The following GLI3 variants were observed in gnomAD, a reference collection of about 807,000 sequenced individuals.
GLI3 encodes GLI family zinc finger 3.
GLI3 carries 20 observed loss-of-function variants against 100.8 expected under a neutral mutation model. The ratio of observed to expected loss-of-function variants is 0.20; its 90% CI spans 0.14 to 0.29. GLI3 has a LOEUF of 0.29. GLI3 is among the 10% of genes least tolerant of loss of function. The pLI, the probability that GLI3 is intolerant of heterozygous loss-of-function variation, is 1.00. For synonymous variants in GLI3, 938 were observed against 860.5 expected (o/e 1.09, Z -1.58); for missense variants, 2,040 against 2,128.5 (o/e 0.96, Z 0.82).
rs146787738 is a variant in GLI3 at position 42,178,938 on chromosome 7, A to G, written c.125-30470T>C. On this transcript the variant is annotated intron_variant, in intron 2 of 14. Coordinates refer to ENST00000395925, the MANE Select transcript of GLI3 (RefSeq NM_000168.6). ...AGAACAGACACAGGGGAAGAGGAAG[A>G]AGAAAGAGCCAGGGCAACAAGGCAA... Among the ~76,000 whole-genome samples, 313 of 152,200 alleles carry G rather than the reference A, an allele frequency of 2.1e-3. 6 individuals are homozygous for G. The East Asian group carries it at 0.029, about 14-fold the overall frequency.
intron 1 of GLI3, among the ~76,000 whole-genome samples, chr7:42,226,336 G>A (rs575320142): frequency 1.3e-5 from 2 of 152,264 alleles, no homozygotes; most frequent in African/African-American, 2.4e-5. Context: ...TAGGAATCAG[G>A]AGACAAGTTC....
At chr7:42,198,596 G>C (rs1787976135) in intron 2 of GLI3, among the ~76,000 whole-genome samples, 1 of 152,112 alleles carries the variant, frequency 6.6e-6, no homozygotes, top group Non-Finnish European at 1.5e-5. Context: ...AAGGTGGTTT[G>C]GCAAGACCTG....
intron 10 of GLI3, among the ~76,000 whole-genome samples, chr7:41,992,102 C>G (rs1156400972): frequency 6.6e-6 from 1 of 152,190 alleles, no homozygotes; most frequent in East Asian, 1.9e-4. Context: ...TAAAAGGTAA[C>G]TCTGGCAGCA....
intron 4 of GLI3, among the ~76,000 whole-genome samples, chr7:42,065,248 A>T (rs6956404): frequency 0.12 from 18,007 of 149,700 alleles, 1,251 homozygotes; most frequent in African/African-American, 0.18. Flanking sequence ...ATACTTTTAA[A>T]TTATTATTAA....
At chr7:42,159,237 C>T (rs1050475455) in intron 2 of GLI3, among the ~76,000 whole-genome samples, 1 of 152,264 alleles carries the variant, frequency 6.6e-6, no homozygotes, top group Non-Finnish European at 1.5e-5. Flanking sequence ...ACAATAGCTC[C>T]AACAGTTAGA....
chr7:42,250,443 C>A (rs948661923), intron 1 of GLI3, among the ~76,000 whole-genome samples: 1 of 152,210 alleles, frequency 6.6e-6, no homozygotes, highest in African/African-American at 2.4e-5. Context: ...AGTTTGCTGA[C>A]TGAGTCAGAA....
rs564828157 is a variant in GLI3, at chr7:41,988,131, T to C, written c.1498-9383A>G. ...CTGAATGTGTCACCCCTGAAATCCA[T>C]ATGTTGAAACTTAATCACCAGTGTG... On this transcript the variant is annotated intron_variant, in intron 10 of 14. Coordinates refer to ENST00000395925, the MANE Select transcript of GLI3 (RefSeq NM_000168.6). Among the ~76,000 whole-genome samples the C allele has an allele frequency of 5.3e-5, 8 of 152,274 alleles. No homozygotes were observed. The East Asian group carries it at 1.5e-3, about 29-fold the overall frequency.
intron 10 of GLI3, among the ~76,000 whole-genome samples, chr7:42,001,057 T>C (rs578135427): frequency 5.3e-5 from 8 of 151,830 alleles, no homozygotes; most frequent in South Asian, 4.2e-4. Context: ...CCAGCCTGGC[T>C]AACATGGTGA....
At chr7:41,996,583 G>C (rs766452025) in intron 10 of GLI3, among the ~76,000 whole-genome samples, 1 of 152,178 alleles carries the variant, frequency 6.6e-6, no homozygotes, top group Non-Finnish European at 1.5e-5. Context: ...CAAGAGAAAG[G>C]ATTTGCCCTT....
At position 41,964,124 on chromosome 7, in the gene GLI3, G is replaced by A. The variant is rs532726767; in HGVS notation, c.*206C>T. The A allele has an allele frequency of 1.4e-4, 67 of 478,464 alleles. No individual in the cohort carries two copies. The Admixed American group carries it at 2.2e-3, about 16-fold the overall frequency. The allele number at this position is 478,464 out of a possible 1,614,324, so 29.6% of individuals were successfully genotyped here. On this transcript the variant is annotated 3_prime_UTR_variant, in exon 15 of 15. Coordinates refer to ENST00000395925, the MANE Select transcript of GLI3 (RefSeq NM_000168.6). Reference sequence around the variant, plus strand: ...AGTGTAACAATACTGATTCAAAACTGAAATGGAAGACAGTTTCTCCCTAGA... The same window carrying A: ...AGTGTAACAATACTGATTCAAAACTAAAATGGAAGACAGTTTCTCCCTAGA...
chr7:42,106,085 C>T (rs1384123549), intron 3 of GLI3, among the ~76,000 whole-genome samples: 2 of 152,110 alleles, frequency 1.3e-5, no homozygotes, highest in African/African-American at 4.8e-5. Context: ...GTGGAGCAGC[C>T]GGGCAAGCAG....
chr7:42,046,400 G>A (rs1190950313), intron 5 of GLI3, among the ~76,000 whole-genome samples: 1 of 152,218 alleles, frequency 6.6e-6, no homozygotes, highest in Non-Finnish European at 1.5e-5. Context: ...TGATAGGTTT[G>A]TGGGTATTTT....
Position 42,064,582 on chromosome 7 carries a change from T to C in GLI3, c.473+12170A>G, listed in dbSNP as rs530303323. 3.9e-5 allele frequency among the ~76,000 whole-genome samples: 6 copies of C among 152,268 alleles called. No individual in the cohort carries two copies. In the South Asian group the frequency reaches 1.0e-3, roughly 26 times the overall value. On this transcript the variant is annotated intron_variant, in intron 4 of 14. Coordinates refer to ENST00000395925, the MANE Select transcript of GLI3 (RefSeq NM_000168.6). ...CACTTTGAAACCCAACCAAATAGCA[T>C]TGTCATGGGTGAATGTAACCAACAT...
rs142084946 is a variant in GLI3 at position 42,079,056 on chromosome 7, A to G, written c.368-2199T>C. On this transcript the variant is annotated intron_variant, in intron 3 of 14. Coordinates refer to ENST00000395925, the MANE Select transcript of GLI3 (RefSeq NM_000168.6). Reference sequence around the variant, plus strand: ...ATTTATCACACTTTACACATTTTGTAAAGTCCATATAAAAATTGATTATAT... The same window carrying G: ...ATTTATCACACTTTACACATTTTGTGAAGTCCATATAAAAATTGATTATAT... 1.1e-3 allele frequency among the ~76,000 whole-genome samples: 161 copies of G among 152,334 alleles called. 3 individuals carry two copies. The East Asian group carries it at 0.023, about 22-fold the overall frequency.
At chr7:41,993,290 A>C (rs1346362626) in intron 10 of GLI3, among the ~76,000 whole-genome samples, 1 of 152,224 alleles carries the variant, frequency 6.6e-6, no homozygotes, top group African/African-American at 2.4e-5. Context: ...AGAGATCCAC[A>C]GCTGGAGACG....
rs764864618 is a variant in GLI3, at chr7:42,182,644, GTATATATATATATATA to G, written c.125-34192_125-34177del. ...TTTATATGCATATGTATATGTGTGT[GTATATATATATATATA>G]TATATATATATATATATATATACAC... On this transcript the variant is annotated intron_variant, in intron 2 of 14. Transcript: ENST00000395925. Among the ~76,000 whole-genome samples, 124 of 51,678 alleles carry G rather than the reference GTATATATATATATATA, an allele frequency of 2.4e-3. 4 individuals carry two copies. Among genetic ancestry groups the G allele is most frequent in the Non-Finnish European group, 3.3e-3 (103 of 31,504 alleles). 33.9% of individuals were successfully genotyped at this position (51,678 alleles called of 152,430 possible). A position where few individuals can be genotyped will look rare whatever the true frequency, so the allele number is the denominator to read the frequency against.
intron 10 of GLI3, among the ~76,000 whole-genome samples, chr7:41,998,927 C>A (rs914591932): frequency 1.3e-5 from 2 of 152,330 alleles, no homozygotes; most frequent in African/African-American, 4.8e-5. Context: ...GTGTTTTCCC[C>A]CACACAGCCT....
At chr7:42,150,921 C>T (rs568378108) in intron 2 of GLI3, among the ~76,000 whole-genome samples, 9 of 152,008 alleles carry the variant, frequency 5.9e-5, no homozygotes, top group Non-Finnish European at 8.8e-5. Context: ...ATCGGGGCGG[C>T]GGAGTGGGGA....
intron 3 of GLI3, among the ~76,000 whole-genome samples, chr7:42,086,132 A>G (rs140256767): frequency 1.3e-5 from 2 of 152,356 alleles, no homozygotes; most frequent in East Asian, 3.9e-4. Flanking sequence ...CTTGATGAGC[A>G]CAAGTGCAAG....
Sources: allele counts gnomAD v4.1 joint callset (sites outside exome capture counted in the v4.1 genomes callset), GRCh38; gene constraint gnomAD v4.1.1; transcripts MANE v1.5; gene names NCBI Gene and HGNC (gene_info 2026-07-23, HGNC 2026-07-21).